HAPSTR1: variants seen among roughly 807,000 people sequenced by gnomAD.
HAPSTR1 encodes the protein HUWE1 associated protein modifying stress responses.
chr16:9,117,056 A>G, the HAPSTR1 span: 5 of 1,228,422 alleles, frequency 4.1e-6, no homozygotes, highest in African/African-American at 1.5e-5. Context: ...CCATAAAAGG[A>G]AGTTCTAGGT....
chr16:9,119,925 A>G, the HAPSTR1 span: 1 of 152,250 alleles, frequency 6.6e-6, no homozygotes, highest in Non-Finnish European at 1.5e-5. Context: ...CCAACATCCA[A>G]CCCAGAGGGC....
At chr16:9,118,569 G>T in the HAPSTR1 span, 1 of 152,554 alleles carries the variant, frequency 6.6e-6, no homozygotes, top group South Asian at 2.1e-4. Flanking sequence ...GAAAGTGAGA[G>T]ATTTCTAAAC....
At chr16:9,114,461 C>T in the HAPSTR1 span, among the ~76,000 whole-genome samples, 72 of 152,204 alleles carry the variant, frequency 4.7e-4, no homozygotes, top group African/African-American at 1.7e-3. Flanking sequence ...TGCTGGGGAA[C>T]AGGTGGGCTC....
the HAPSTR1 span, among the ~76,000 whole-genome samples, chr16:9,098,201 G>A: frequency 2.2e-4 from 34 of 152,148 alleles, no homozygotes; most frequent in Non-Finnish European, 4.7e-4. Context: ...GCATTGTGGT[G>A]CATGCCTGTA....
chr16:9,094,825 T>G, the HAPSTR1 span, among the ~76,000 whole-genome samples: 2 of 152,238 alleles, frequency 1.3e-5, no homozygotes, highest in Non-Finnish European at 2.9e-5. Context: ...GTTCTTAGCC[T>G]AGGCCGTATA....
At chr16:9,096,886 A>G in the HAPSTR1 span, among the ~76,000 whole-genome samples, 1 of 152,058 alleles carries the variant, frequency 6.6e-6, no homozygotes, top group Non-Finnish European at 1.5e-5. Flanking sequence ...CAGTAGCCTC[A>G]GTTATACATA....
At chr16:9,091,959 G>T in the HAPSTR1 span, 4 of 1,181,456 alleles carry the variant, frequency 3.4e-6, no homozygotes, top group Non-Finnish European at 4.4e-6. Context: ...CTGCCGCCGG[G>T]CCGCTTGACG....
At chr16:9,116,186 T>A in the HAPSTR1 span, among the ~76,000 whole-genome samples, 1 of 152,208 alleles carries the variant, frequency 6.6e-6, no homozygotes, top group African/African-American at 2.4e-5. Context: ...TCACCTTATC[T>A]AGAGGGGATG....
chr16:9,092,834 A>G, the HAPSTR1 span: 3 of 1,356,978 alleles, frequency 2.2e-6, no homozygotes, highest in South Asian at 2.6e-5. Flanking sequence ...ATTGACGCGC[A>G]AATAACATTC....
chr16:9,113,481 T>C, the HAPSTR1 span, among the ~76,000 whole-genome samples: 11 of 152,346 alleles, frequency 7.2e-5, no homozygotes, highest in Admixed American at 5.9e-4. Flanking sequence ...AGTCCACTTC[T>C]GATACAGTGT....
At chr16:9,091,824 G>C in the HAPSTR1 span, 1 of 393,444 alleles carries the variant, frequency 2.5e-6, no homozygotes, top group Non-Finnish European at 4.5e-6. Context: ...CCGGGCCCGG[G>C]GGTGGGAAGG....
the HAPSTR1 span, chr16:9,092,305 C>T: frequency 6.9e-6 from 10 of 1,445,760 alleles, no homozygotes; most frequent in African/African-American, 3.0e-5. Context: ...TACCGCTTGG[C>T]CGCCCCCGCC....
At chr16:9,116,849 C>G in the HAPSTR1 span, 1 of 1,614,170 alleles carries the variant, frequency 6.2e-7, no homozygotes, top group Non-Finnish European at 8.5e-7. Flanking sequence ...GAAAGCGTAC[C>G]TCAGCCCAGT....
the HAPSTR1 span, chr16:9,121,253 C>G: frequency 6.6e-6 from 1 of 152,212 alleles, no homozygotes; most frequent in South Asian, 2.1e-4. Flanking sequence ...TGCGCCTGGC[C>G]TATGTTTTAA....
the HAPSTR1 span, chr16:9,103,214 G>T: frequency 6.2e-7 from 1 of 1,614,154 alleles, no homozygotes; most frequent in Non-Finnish European, 8.5e-7. Flanking sequence ...TAGCTCATCT[G>T]TAGAGACTGA....
At chr16:9,115,140 G>A in the HAPSTR1 span, among the ~76,000 whole-genome samples, 1 of 152,198 alleles carries the variant, frequency 6.6e-6, no homozygotes, top group East Asian at 1.9e-4. Context: ...TGCGATGATA[G>A]TGGAGGCCAT....
chr16:9,116,891 T>C, the HAPSTR1 span: 1 of 1,614,098 alleles, frequency 6.2e-7, no homozygotes, highest in Non-Finnish European at 8.5e-7. Context: ...CACCAACCCA[T>C]AAACGCAACA....
the HAPSTR1 span, chr16:9,092,825 T>C: frequency 3.1e-6 from 4 of 1,298,344 alleles, no homozygotes; most frequent in Middle Eastern, 2.7e-4. Context: ...TCCGGAGTGA[T>C]TGACGCGCAA....
the HAPSTR1 span, chr16:9,120,429 G>A: frequency 1.3e-5 from 2 of 152,142 alleles, no homozygotes; most frequent in Non-Finnish European, 1.5e-5. Context: ...CAGACCGTGT[G>A]TTGTGCTGTT....
Sources: allele counts gnomAD v4.1 joint callset (sites outside exome capture counted in the v4.1 genomes callset), GRCh38; gene constraint gnomAD v4.1.1; transcripts MANE v1.5; gene names NCBI Gene and HGNC (gene_info 2026-07-23, HGNC 2026-07-21).